The following MROH9 variants were observed in gnomAD, a reference collection of about 807,000 sequenced individuals.
The protein encoded by MROH9 is maestro heat like repeat family member 9.
In MROH9, 92 loss-of-function variants were observed where a neutral mutation model predicts 98.2. The ratio of observed to expected loss-of-function variants is 0.94; its 90% confidence interval spans 0.79 to 1.11. MROH9 has a LOEUF of 1.11. MROH9 is among the 50% of genes most tolerant of loss of function. The pLI, the probability that MROH9 is intolerant of heterozygous loss-of-function variation, is 0.00. For synonymous variants in MROH9, 397 were observed against 368.9 expected (o/e 1.08, Z -0.87); for missense variants, 1,057 against 1,014.8 (o/e 1.04, Z -0.57).
At chr1:170,969,754 G>C (rs114430046) in intron 7 of MROH9, among the ~76,000 whole-genome samples, 1,955 of 152,246 alleles carry the variant, frequency 0.013, 32 homozygotes, top group Non-Finnish European at 0.02. Context: ...GGAATACTTA[G>C]GTTTAGGAGT....
In MROH9 at chr1:171,035,190, C is replaced by T. The variant is rs76881941; in HGVS notation, c.2281+9770C>T. Among the ~76,000 whole-genome samples, 1,050 of 151,490 alleles carry T rather than the reference C, an allele frequency of 6.9e-3. 12 individuals are homozygous for T. Among genetic ancestry groups the T allele is most frequent in the African/African-American group, 0.024 (1,011 of 41,304 alleles). Reference sequence around the variant, plus strand: ...GCTGAGAGAAATATTTGCACATGTGCAACTAAAATGTATTAATTTTGATAT... The same window carrying T: ...GCTGAGAGAAATATTTGCACATGTGTAACTAAAATGTATTAATTTTGATAT... On this transcript the variant is annotated intron_variant, in intron 20 of 21. Coordinates refer to ENST00000367759, the MANE Select transcript of MROH9 (RefSeq NM_001163629.2).
At chr1:170,985,207 T>C (rs1332366450) in intron 9 of MROH9, among the ~76,000 whole-genome samples, 1 of 152,122 alleles carries the variant, frequency 6.6e-6, no homozygotes, top group Non-Finnish European at 1.5e-5. Context: ...TAGAAAGAAA[T>C]AACTCAAAAT....
intron 8 of MROH9, among the ~76,000 whole-genome samples, chr1:170,979,956 G>A (rs1275484145): frequency 6.6e-6 from 1 of 152,100 alleles, no homozygotes; most frequent in African/African-American, 2.4e-5. Context: ...GGCAAGCAAA[G>A]AGCCAAATCA....
Position 170,997,622 on chromosome 1 carries a change from C to T in MROH9, c.1476-532C>T, listed in dbSNP as rs1270504100. Among the ~76,000 whole-genome samples the T allele has an allele frequency of 4.6e-5, 7 of 152,308 alleles. No homozygotes were observed. The South Asian group carries it at 1.5e-3, about 32-fold the overall frequency. ...GTTATCCTTTGCAATTCTGCCCTTA[C>T]TGATCTGATCCAGGCCACCATGTCA... On this transcript the variant is annotated intron_variant, in intron 14 of 21. Coordinates refer to ENST00000367759, the MANE Select transcript of MROH9 (RefSeq NM_001163629.2).
At chr1:170,966,185 C>T (rs982901584) in intron 7 of MROH9, among the ~76,000 whole-genome samples, 3 of 152,010 alleles carry the variant, frequency 2.0e-5, no homozygotes, top group African/African-American at 7.2e-5. Context: ...TATTAAGGTG[C>T]CCATTTCCCC....
chr1:170,976,307 T>A (rs2101791462), intron 8 of MROH9, among the ~76,000 whole-genome samples: 1 of 152,306 alleles, frequency 6.6e-6, no homozygotes, highest in South Asian at 2.1e-4. Context: ...CCATATTTAG[T>A]GCCCTTTTCA....
At chr1:170,959,338 G>A (rs1244139574) in intron 4 of MROH9, 124 bp from the exon 5 acceptor site, 5 of 831,916 alleles carry the variant, frequency 6.0e-6, no homozygotes, top group Non-Finnish European at 8.5e-6. Flanking sequence ...TGGCACCACT[G>A]CACTCCAGCC....
At chr1:170,964,022 C>T (rs991112695) in intron 6 of MROH9, among the ~76,000 whole-genome samples, 1 of 152,080 alleles carries the variant, frequency 6.6e-6, no homozygotes, top group East Asian at 1.9e-4. Context: ...CCCATGCATG[C>T]TCTTTTATTC....
At chr1:171,005,586 G>C (rs530887330) in intron 15 of MROH9, among the ~76,000 whole-genome samples, 41 of 152,110 alleles carry the variant, frequency 2.7e-4, no homozygotes, top group African/African-American at 6.5e-4. Flanking sequence ...TTTATTGTTA[G>C]TGCATAGAAA....
chr1:170,939,774 G>T lies in MROH9; in HGVS notation c.-38+4187G>T, dbSNP rs532240828. Among the ~76,000 whole-genome samples, 25 of 152,220 alleles carry T rather than the reference G, an allele frequency of 1.6e-4. No individual in the cohort carries two copies. The East Asian group carries it at 4.8e-3, about 29-fold the overall frequency. ...ATCACATGGTAACTTGGTGCCACGT[G>T]GTCAAGCATTCAGTCTCTACTAAGG... On this transcript the variant is annotated intron_variant, in intron 1 of 21. Transcript: ENST00000367759.
intron 3 of MROH9, among the ~76,000 whole-genome samples, chr1:170,952,585 C>G (rs1248587671): frequency 8.3e-6 from 1 of 121,096 alleles, no homozygotes; most frequent in Non-Finnish European, 1.6e-5. Context: ...GAACATCACA[C>G]ACTGGGGCCT....
chr1:170,964,530 C>T (rs1239690336), intron 6 of MROH9, among the ~76,000 whole-genome samples: 2 of 152,078 alleles, frequency 1.3e-5, no homozygotes, highest in Non-Finnish European at 2.9e-5. Context: ...GCATATGAGG[C>T]ATATGCAGTA....
At chr1:171,063,669 T>C (rs1654079678) in intron 21 of MROH9, among the ~76,000 whole-genome samples, 1 of 152,252 alleles carries the variant, frequency 6.6e-6, no homozygotes, top group South Asian at 2.1e-4. Flanking sequence ...CCAAGAAATA[T>C]GGGCCTACAT....
intron 15 of MROH9, among the ~76,000 whole-genome samples, chr1:171,012,589 G>T (rs571111916): frequency 1.4e-5 from 2 of 139,606 alleles, no homozygotes; most frequent in Non-Finnish European, 3.0e-5. Context: ...CGCAAGCTCC[G>T]CCTCCCGGGT....
At chr1:170,947,474 T>C in intron 2 of MROH9, 53 bp from the exon 3 acceptor site, 10 of 1,496,928 alleles carry the variant, frequency 6.7e-6, no homozygotes, top group Non-Finnish European at 9.3e-6. Flanking sequence ...CCCACTAAGA[T>C]GATAGGAGTC....
chr1:170,999,021 CAAT>C (rs1214185477), intron 15 of MROH9, among the ~76,000 whole-genome samples: 1 of 152,048 alleles, frequency 6.6e-6, no homozygotes, highest in African/African-American at 2.4e-5. Context: ...TGGTAGTCAT[CAAT>C]GATTTCAAAT....
At chr1:171,056,098 C>CTCTG (rs1219681995) in intron 20 of MROH9, among the ~76,000 whole-genome samples, 1 of 152,234 alleles carries the variant, frequency 6.6e-6, no homozygotes, top group South Asian at 2.1e-4. Flanking sequence ...CTCAGCTGGA[C>CTCTG]TCTGCTTAAG....
At chr1:170,962,421 A>G (rs1487331383) in intron 6 of MROH9, among the ~76,000 whole-genome samples, 1 of 152,128 alleles carries the variant, frequency 6.6e-6, no homozygotes, top group Non-Finnish European at 1.5e-5. Flanking sequence ...AAGAAGGCCT[A>G]ACAACAATTC....
At chr1:171,011,269 T>C (rs932977313) in intron 15 of MROH9, among the ~76,000 whole-genome samples, 2 of 152,176 alleles carry the variant, frequency 1.3e-5, no homozygotes, top group Admixed American at 1.3e-4. Flanking sequence ...CAATAGATGT[T>C]AAAACAATTA....
Sources: gnomAD v4.1 joint callset for allele counts (sites outside exome capture counted in the v4.1 genomes callset) on GRCh38, gnomAD v4.1.1 for gene constraint, MANE v1.5 for transcripts, NCBI Gene and HGNC (gene_info 2026-07-23, HGNC 2026-07-21) for gene names.